Variants in LIN28B observed in about 807,000 individuals in gnomAD.
LIN28B encodes lin-28 RNA binding posttranscriptional regulator B, also known as protein lin-28 homolog B.
LIN28B carries 5 observed loss-of-function variants against 21.9 expected under a neutral mutation model. That is an observed-to-expected ratio of 0.23 (90% CI 0.12 to 0.48). The LOEUF is 0.48. Ranked by LOEUF, LIN28B falls within the 20% of genes least tolerant of loss-of-function variation. LIN28B has a pLI of 0.98. For synonymous variants in LIN28B, 109 were observed against 111.3 expected (o/e 0.98, Z 0.13); for missense variants, 245 against 310.5 (o/e 0.79, Z 1.58).
intron 3 of LIN28B, among the ~76,000 whole-genome samples, chr6:105,048,260 G>T (rs972688705): frequency 2.6e-4 from 40 of 152,212 alleles, no homozygotes; most frequent in African/African-American, 9.4e-4. Context: ...GGCCTTTTCT[G>T]CATCTATTGA....
intron 2 of LIN28B, chr6:104,941,588 C>T (rs1350943811): frequency 2.0e-5 from 3 of 151,334 alleles, no homozygotes; most frequent in Non-Finnish European, 4.4e-5. Context: ...CGCCAGAGGG[C>T]GTGCGCACCT....
chr6:104,957,314 C>A, intron 1 of LIN28B, 54 bp downstream of exon 1: 1 of 1,231,226 alleles, frequency 8.1e-7, no homozygotes, highest in Non-Finnish European at 1.1e-6. Flanking sequence ...TTTTCTCCTC[C>A]CCCTCCCCCT....
intron 3 of LIN28B, among the ~76,000 whole-genome samples, chr6:105,041,451 A>T (rs1296419933): frequency 6.6e-6 from 1 of 152,092 alleles, no homozygotes; most frequent in African/African-American, 2.4e-5. Context: ...TATAGGTACT[A>T]TGGATTTCAG....
At chr6:105,032,092 C>CTG (rs1771437397) in intron 3 of LIN28B, among the ~76,000 whole-genome samples, 1 of 152,144 alleles carries the variant, frequency 6.6e-6, no homozygotes, top group Admixed American at 6.5e-5. Flanking sequence ...TTCATCCAAG[C>CTG]TGTTGAGTGT....
At chr6:105,074,576 A>G (rs532377690) in intron 3 of LIN28B, among the ~76,000 whole-genome samples, 8 of 152,312 alleles carry the variant, frequency 5.3e-5, no homozygotes, top group African/African-American at 1.9e-4. Context: ...ATTATCTTCT[A>G]TCTTTAAACG....
intron 3 of LIN28B, among the ~76,000 whole-genome samples, chr6:105,048,616 G>A (rs1453906697): frequency 6.6e-6 from 1 of 152,152 alleles, no homozygotes; most frequent in African/African-American, 2.4e-5. Flanking sequence ...TGTACCTCTG[G>A]TAGAATTCAG....
chr6:104,976,701 G>GA (rs1770102663), intron 2 of LIN28B, among the ~76,000 whole-genome samples: 1 of 152,180 alleles, frequency 6.6e-6, no homozygotes, highest in East Asian at 1.9e-4. Context: ...GTCAGCCTGA[G>GA]AAGGCATTTC....
intron 2 of LIN28B, among the ~76,000 whole-genome samples, chr6:104,988,712 A>G (rs1386613798): frequency 1.3e-5 from 2 of 151,588 alleles, no homozygotes; most frequent in Non-Finnish European, 2.9e-5. Context: ...CGAGTAGTTG[A>G]GCTTACAGGT....
rs1208742609 is a variant in LIN28B at position 105,026,500 on chromosome 6, G to T, written c.383+18G>T. ...GGAGATAGGTAATCATTTTTACTTTGTTAATTTATCAGTTTATTGTGTTTG... is the reference window on the plus strand; with the variant it reads ...GGAGATAGGTAATCATTTTTACTTTTTTAATTTATCAGTTTATTGTGTTTG... On this transcript the variant is annotated intron_variant, in intron 3 of 3. Coordinates refer to ENST00000345080, the MANE Select transcript of LIN28B (RefSeq NM_001004317.4). The T allele has an allele frequency of 2.0e-6, 3 of 1,467,306 alleles. No individual in the cohort carries two copies. Among genetic ancestry groups the T allele is most frequent in the African/African-American group, 1.4e-5 (1 of 70,054 alleles). The allele number at this position is 1,467,306 out of a possible 1,614,324, so 90.9% of individuals were successfully genotyped here.
chr6:105,003,734 C>CA (rs1182958478), intron 2 of LIN28B, among the ~76,000 whole-genome samples: 4 of 152,088 alleles, frequency 2.6e-5, no homozygotes, highest in African/African-American at 9.7e-5. Flanking sequence ...AGGCTGGTCT[C>CA]AAACTCCTGA....
At chr6:104,959,441 A>G (rs538565060) in intron 2 of LIN28B, among the ~76,000 whole-genome samples, 1 of 152,280 alleles carries the variant, frequency 6.6e-6, no homozygotes, top group African/African-American at 2.4e-5. Flanking sequence ...CCTAAGGAAT[A>G]TCATCTTCAA....
intron 2 of LIN28B, among the ~76,000 whole-genome samples, chr6:104,963,229 G>A (rs894999159): frequency 3.7e-4 from 56 of 152,188 alleles, no homozygotes; most frequent in African/African-American, 1.3e-3. Flanking sequence ...TGTATTTTTA[G>A]TAGAGACGGG....
At chr6:105,012,019 G>T (rs1450873445) in intron 2 of LIN28B, among the ~76,000 whole-genome samples, 16 of 151,932 alleles carry the variant, frequency 1.1e-4, no homozygotes, top group Admixed American at 2.0e-4. Context: ...TTAGCTGGGT[G>T]TGGTGGCAGG....
chr6:105,071,208 A>G (rs1360166516), intron 3 of LIN28B, among the ~76,000 whole-genome samples: 2 of 152,046 alleles, frequency 1.3e-5, no homozygotes, highest in East Asian at 3.9e-4. Flanking sequence ...AATGCACACA[A>G]TTACTTATAA....
chr6:105,059,017 G>A (rs1772076291), intron 3 of LIN28B, among the ~76,000 whole-genome samples: 1 of 152,122 alleles, frequency 6.6e-6, no homozygotes, highest in East Asian at 1.9e-4. Flanking sequence ...GTCAGACTTT[G>A]AGGAAGTTTG....
intron 2 of LIN28B, among the ~76,000 whole-genome samples, chr6:104,966,572 C>T (rs1015227613): frequency 1.3e-5 from 2 of 149,514 alleles, no homozygotes; most frequent in Non-Finnish European, 3.0e-5. Context: ...CCCACCTGAG[C>T]CTTCTGAGAT....
intron 2 of LIN28B, among the ~76,000 whole-genome samples, chr6:104,959,170 A>C (rs2114568008): frequency 6.6e-6 from 1 of 152,312 alleles, no homozygotes; most frequent in East Asian, 1.9e-4. Context: ...ATCCCTTTAT[A>C]GTAAAAAAGA....
chr6:104,984,730 T>G (rs1029582831), intron 2 of LIN28B, among the ~76,000 whole-genome samples: 1 of 152,192 alleles, frequency 6.6e-6, no homozygotes, highest in Admixed American at 6.5e-5. Context: ...TGTTAAGTAA[T>G]ATTTTTTGAT....
chr6:104,992,599 A>G (rs928455795), intron 2 of LIN28B, among the ~76,000 whole-genome samples: 1 of 151,376 alleles, frequency 6.6e-6, no homozygotes, highest in African/African-American at 2.4e-5. Context: ...TTAACTTCCC[A>G]GGCTCAAGCG....
Sources: gnomAD v4.1 joint callset for allele counts (sites outside exome capture counted in the v4.1 genomes callset) on GRCh38, gnomAD v4.1.1 for gene constraint, MANE v1.5 for transcripts, NCBI Gene and HGNC (gene_info 2026-07-23, HGNC 2026-07-21) for gene names.